The following MICU3 variants were observed in gnomAD, a reference collection of about 807,000 sequenced individuals.
The protein encoded by MICU3 is calcium uptake protein 3, mitochondrial.
In MICU3, 62 loss-of-function variants were observed where a neutral mutation model predicts 66.5. The ratio of observed to expected loss-of-function variants is 0.93; its 90% CI spans 0.76 to 1.15. MICU3 has a LOEUF of 1.15. MICU3 is among the 50% of genes most tolerant of loss of function. The pLI, the probability that MICU3 is intolerant of heterozygous loss-of-function variation, is 0.00. For synonymous variants in MICU3, 308 were observed against 240.7 expected (o/e 1.28, Z -2.59); for missense variants, 779 against 664.4 (o/e 1.17, Z -1.90).
intron 1 of MICU3, among the ~76,000 whole-genome samples, chr8:17,033,029 TA>T: frequency 6.6e-6 from 1 of 152,188 alleles, no homozygotes; most frequent in East Asian, 1.9e-4. Context: ...AGCTTTTCCC[TA>T]GTCTCTTTCC....
chr8:17,032,604 T>G (rs1328991972), intron 1 of MICU3, among the ~76,000 whole-genome samples: 1 of 152,184 alleles, frequency 6.6e-6, no homozygotes, highest in Non-Finnish European at 1.5e-5. Context: ...TCCTTTACCA[T>G]ATGTTTTCCA....
chr8:17,118,683 A>G, intron 13 of MICU3, 24 bp from the exon 14 acceptor site: 2 of 1,520,726 alleles, frequency 1.3e-6, no homozygotes, highest in Non-Finnish European at 1.8e-6. Flanking sequence ...GTACATTTGC[A>G]CACTTTGCTC....
intron 1 of MICU3, among the ~76,000 whole-genome samples, chr8:17,029,610 C>T (rs1811672881): frequency 6.6e-6 from 1 of 152,128 alleles, no homozygotes; most frequent in East Asian, 1.9e-4. Flanking sequence ...CTTATGCTTC[C>T]CTAGCCTCTA....
intron 1 of MICU3, among the ~76,000 whole-genome samples, chr8:17,042,048 A>C (rs569264712): frequency 6.6e-6 from 1 of 152,322 alleles, no homozygotes; most frequent in East Asian, 1.9e-4. Context: ...GCTTTTTAAC[A>C]ATGAAAGTAA....
chr8:17,085,299 A>G lies in MICU3; in HGVS notation c.758A>G (p.Asp253Gly), dbSNP rs1799352248. The G allele has an allele frequency of 8.1e-6, 13 of 1,608,818 alleles. No individual in the cohort carries two copies. The East Asian group carries it at 2.7e-4, about 33-fold the overall frequency. ...MFDTDGNEMVDKKEFLVLQEI... is the reference protein window; with the variant it reads ...MFDTDGNEMVGKKEFLVLQEI... ...GACACTGATGGCAATGAGATGGTGG[A>G]TAAAAAAGAGTTTTTGGTGGTATGT... Residue 253 changes from aspartate to glycine, a missense_variant, in exon 6 of 15, where the codon GAT becomes GGT. Coordinates refer to ENST00000318063, the MANE Select transcript of MICU3 (RefSeq NM_181723.3).
At chr8:17,070,092 A>G (rs1819326038) in intron 3 of MICU3, among the ~76,000 whole-genome samples, 1 of 152,090 alleles carries the variant, frequency 6.6e-6, no homozygotes, top group Admixed American at 6.6e-5. Flanking sequence ...TTGAACTTGA[A>G]TAGACTCTGT....
chr8:17,112,425 G>A (rs985657220), intron 11 of MICU3, among the ~76,000 whole-genome samples: 3 of 152,100 alleles, frequency 2.0e-5, no homozygotes, highest in Admixed American at 1.3e-4. Flanking sequence ...TGAAGAAATG[G>A]CCACACCCCT....
chr8:17,052,708 T>G (rs987967365), intron 1 of MICU3, among the ~76,000 whole-genome samples: 2 of 152,180 alleles, frequency 1.3e-5, no homozygotes, highest in Admixed American at 1.3e-4. Context: ...TTAGAGTACT[T>G]GGGATTTTCC....
intron 2 of MICU3, among the ~76,000 whole-genome samples, chr8:17,067,001 T>A (rs1305342269): frequency 6.6e-6 from 1 of 152,136 alleles, no homozygotes; most frequent in Non-Finnish European, 1.5e-5. Flanking sequence ...AACTTAAGAG[T>A]AAAAAACTGG....
chr8:17,041,208 T>G (rs7005032), intron 1 of MICU3, among the ~76,000 whole-genome samples: 151,906 of 152,030 alleles, frequency 1, 75,891 homozygotes, highest in Non-Finnish European at 1. Context: ...GAGCATCCAT[T>G]ACTTAAAGGA....
At chr8:17,034,188 C>T (rs1311860300) in intron 1 of MICU3, among the ~76,000 whole-genome samples, 1 of 152,158 alleles carries the variant, frequency 6.6e-6, no homozygotes, top group Non-Finnish European at 1.5e-5. Flanking sequence ...GTTAGGGGGA[C>T]TGCAAAGCTT....
intron 6 of MICU3, among the ~76,000 whole-genome samples, chr8:17,086,389 C>G (rs542604718): frequency 6.6e-6 from 1 of 152,232 alleles, no homozygotes; most frequent in East Asian, 1.9e-4. Context: ...GGCTTAAACT[C>G]TCACCCACGC....
chr8:17,099,231 A>T (rs1290207559), intron 9 of MICU3, among the ~76,000 whole-genome samples: 2 of 151,716 alleles, frequency 1.3e-5, no homozygotes. Flanking sequence ...TGTGTTTCTT[A>T]TTAAGAATTT....
At chr8:17,038,952 C>G (rs1259937223) in intron 1 of MICU3, among the ~76,000 whole-genome samples, 1 of 120,148 alleles carries the variant, frequency 8.3e-6, no homozygotes, top group Non-Finnish European at 1.9e-5. Context: ...GACTCTGTCT[C>G]AAAAAAAAAA....
the MICU3 span, among the ~76,000 whole-genome samples, chr8:17,136,336 ATGT>A: frequency 6.6e-6 from 1 of 152,068 alleles, no homozygotes; most frequent in African/African-American, 2.4e-5. Context: ...TTGTAAAGCG[ATGT>A]TGTTTGCTTA....
chr8:17,073,259 C>T lies in MICU3; in HGVS notation c.567+3540C>T, dbSNP rs1288745808. On this transcript the variant is annotated intron_variant, in intron 3 of 14. Transcript: ENST00000318063. ...AGATCGCCCCCTTCCCGTGAAGCTTCGTCTGTATTTACAGCCACTCTCCAT... is the reference window on the plus strand; with the variant it reads ...AGATCGCCCCCTTCCCGTGAAGCTTTGTCTGTATTTACAGCCACTCTCCAT... 4.6e-5 allele frequency among the ~76,000 whole-genome samples: 7 copies of T among 152,292 alleles called. No homozygotes were observed. The East Asian group carries it at 1.4e-3, about 29-fold the overall frequency.
chr8:17,059,440 C>T (rs1160820716), intron 1 of MICU3, among the ~76,000 whole-genome samples: 4 of 152,056 alleles, frequency 2.6e-5, no homozygotes, highest in African/African-American at 4.8e-5. Context: ...CTCTTCAAAA[C>T]GTAGAAAAAG....
downstream of MICU3, among the ~76,000 whole-genome samples, chr8:17,123,578 A>G (rs1803321319): frequency 6.6e-6 from 1 of 152,052 alleles, no homozygotes; most frequent in African/African-American, 2.4e-5. Flanking sequence ...GCAATTCAGA[A>G]CTCTCGAATG....
At chr8:17,067,525 G>C (rs1373317598) in intron 2 of MICU3, among the ~76,000 whole-genome samples, 1 of 151,902 alleles carries the variant, frequency 6.6e-6, no homozygotes, top group Non-Finnish European at 1.5e-5. Flanking sequence ...CGCTTCCTGG[G>C]TTCAAGTGAT....
Sources: gnomAD v4.1 joint callset for allele counts (sites outside exome capture counted in the v4.1 genomes callset) on GRCh38, gnomAD v4.1.1 for gene constraint, MANE v1.5 for transcripts, NCBI Gene and HGNC (gene_info 2026-07-23, HGNC 2026-07-21) for gene names.